CIB1: variants seen among roughly 807,000 people sequenced by gnomAD.
CIB1 encodes the protein calcium and integrin binding 1.
In CIB1, 19 loss-of-function variants were observed where a neutral mutation model predicts 25.0. The ratio of observed to expected loss-of-function variants is 0.76; its 90% confidence interval spans 0.53 to 1.12. CIB1 has a LOEUF of 1.12. Ranked by LOEUF, CIB1 falls within the 50% of genes most tolerant of loss-of-function variation. The pLI is 0.00. For synonymous variants in CIB1, 104 were observed against 98.5 expected, an observed-to-expected ratio of 1.06 and a Z score of -0.33; for missense variants, 236 against 242.6, an observed-to-expected ratio of 0.97 and a Z score of 0.18.
In CIB1 at chr15:90,232,317, G is replaced by T. The variant is rs778053172; in HGVS notation, c.97C>A (p.Arg33=). 6 of 1,607,980 alleles carry T rather than the reference G, an allele frequency of 3.7e-6. No homozygotes were observed. In the South Asian group the frequency reaches 5.5e-5, roughly 15 times the overall value. Reference sequence around the variant, plus strand: ...TCCTGGGGAAGCAGCTCACAAAACCGCCTGTGGGCTCTGGTAGAGAGAGGG... The same window carrying T: ...TCCTGGGGAAGCAGCTCACAAAACCTCCTGTGGGCTCTGGTAGAGAGAGGG... The part of the protein sequence containing the change: ...TKQEILLAHR[R]FCELLPQEQR... The change falls in exon 3 of 7, where the codon CGG becomes AGG. Residue 33 remains arginine (R), a synonymous_variant. Transcript: ENST00000328649.
At chr15:90,241,581 G>A in the CIB1 span, 1 of 1,613,328 alleles carries the variant, frequency 6.2e-7, no homozygotes, top group Non-Finnish European at 8.5e-7. Context: ...CTATTACCTG[G>A]CCCACAGACT....
chr15:90,245,743 C>T, the CIB1 span: 1 of 152,298 alleles, frequency 6.6e-6, no homozygotes, highest in Non-Finnish European at 1.5e-5. Flanking sequence ...AGAGGAAAGC[C>T]TTCCCTGACT....
the CIB1 span, among the ~76,000 whole-genome samples, chr15:90,239,897 C>T: frequency 6.6e-6 from 1 of 152,144 alleles, no homozygotes; most frequent in South Asian, 2.1e-4. Flanking sequence ...TGCACTCCTG[C>T]CTGGGTGACA....
the CIB1 span, chr15:90,265,715 G>A: frequency 6.2e-7 from 1 of 1,613,312 alleles, no homozygotes; most frequent in South Asian, 1.1e-5. Flanking sequence ...GCGTCGACAT[G>A]GCGGTTACCC....
the CIB1 span, chr15:90,265,128 C>T: frequency 8.1e-7 from 1 of 1,239,496 alleles, no homozygotes; most frequent in Non-Finnish European, 1.1e-6. Flanking sequence ...ACCAAGAATT[C>T]CTCAATACCC....
the CIB1 span, chr15:90,265,361 G>A: frequency 3.3e-6 from 4 of 1,228,026 alleles, no homozygotes; most frequent in Non-Finnish European, 3.1e-6. Flanking sequence ...GAAGACTGCC[G>A]AGCGGAAGCC....
the CIB1 span, chr15:90,240,915 C>T: frequency 6.2e-7 from 1 of 1,612,518 alleles, no homozygotes; most frequent in Non-Finnish European, 8.5e-7. Context: ...CTCTATGGCT[C>T]TTCCACATGA....
the CIB1 span, chr15:90,253,146 C>A: frequency 2.6e-6 from 2 of 762,846 alleles, no homozygotes; most frequent in Non-Finnish European, 2.1e-6. Context: ...CCCTCTTCAA[C>A]CTGCCCTCGG....
chr15:90,243,670 T>TTG, the CIB1 span: 9 of 96,276 alleles, frequency 9.3e-5, no homozygotes, highest in Admixed American at 3.7e-4. Context: ...TTTTTTTTTT[T>TTG]GACACAGGGT....
chr15:90,247,887 C>A, the CIB1 span, among the ~76,000 whole-genome samples: 1 of 151,852 alleles, frequency 6.6e-6, no homozygotes, highest in Non-Finnish European at 1.5e-5. Flanking sequence ...CGCCACCATG[C>A]CCAGCTAATT....
the CIB1 span, chr15:90,250,744 G>A: frequency 5.5e-5 from 89 of 1,614,026 alleles, no homozygotes; most frequent in Non-Finnish European, 6.9e-5. Flanking sequence ...CTTCACAGCA[G>A]GCTCTCTTAA....
chr15:90,258,099 G>A, the CIB1 span: 27 of 1,614,190 alleles, frequency 1.7e-5, no homozygotes, highest in East Asian at 5.8e-4. Context: ...AGAGCTGTGG[G>A]GGGACATCGA....
chr15:90,253,782 G>A, the CIB1 span, among the ~76,000 whole-genome samples: 2 of 152,296 alleles, frequency 1.3e-5, no homozygotes, highest in African/African-American at 2.4e-5. Context: ...CTGCCTGGTG[G>A]CAAGAAATTC....
the CIB1 span, chr15:90,258,337 C>A: frequency 7.4e-7 from 1 of 1,350,182 alleles, no homozygotes; most frequent in Non-Finnish European, 1.1e-6. Context: ...ACACCTGGGA[C>A]AGGGGTACAC....
At chr15:90,239,299 CAT>C in the CIB1 span, among the ~76,000 whole-genome samples, 1 of 121,588 alleles carries the variant, frequency 8.2e-6, no homozygotes, top group Non-Finnish European at 1.7e-5. Flanking sequence ...CTATATGAGA[CAT>C]AAAATGTGTG....
Position 90,233,663 on chromosome 15 carries a change from A to G in CIB1, c.86+6T>C, listed in dbSNP as rs1269468970. On this transcript the variant is annotated splice_donor_region_variant and intron_variant, in intron 2 of 6. Coordinates refer to ENST00000328649, the MANE Select transcript of CIB1 (RefSeq NM_006384.4). ...GGTCGGAGGCAGGGTTCAAGGCAGC[A>G]CTTACAGGAGGATCTCCTGCTTCGT... 1 of 1,576,188 alleles carries G rather than the reference A, an allele frequency of 6.3e-7. No individual in the cohort carries two copies. Among genetic ancestry groups the G allele is most frequent in the South Asian group, 1.2e-5 (1 of 86,074 alleles).
At chr15:90,246,272 CA>C in the CIB1 span, among the ~76,000 whole-genome samples, 6 of 147,356 alleles carry the variant, frequency 4.1e-5, no homozygotes, top group Non-Finnish European at 3.0e-5. Flanking sequence ...GACTCCATCT[CA>C]AAAAAAAAAT....
At chr15:90,253,032 T>C in the CIB1 span, among the ~76,000 whole-genome samples, 1 of 151,954 alleles carries the variant, frequency 6.6e-6, no homozygotes, top group African/African-American at 2.4e-5. Context: ...AAAAACCAGG[T>C]TCTAGTTTTC....
At chr15:90,257,796 C>A in the CIB1 span, 1 of 1,468,580 alleles carries the variant, frequency 6.8e-7, no homozygotes, top group Non-Finnish European at 9.5e-7. Context: ...TGAAACCAAG[C>A]TGGCTCTTGG....
Sources: allele counts gnomAD v4.1 joint callset (sites outside exome capture counted in the v4.1 genomes callset), GRCh38; gene constraint gnomAD v4.1.1; transcripts MANE v1.5; gene names NCBI Gene and HGNC (gene_info 2026-07-23, HGNC 2026-07-21).